NEK5: variants seen among roughly 807,000 people sequenced by gnomAD.
NEK5 encodes serine/threonine-protein kinase Nek5.
A neutral mutation model predicts 109.2 loss-of-function variants in NEK5; 88 were observed. The ratio of observed to expected loss-of-function variants is 0.81; its 90% CI spans 0.68 to 0.96. NEK5 has a LOEUF of 0.96. Among genes scored for constraint, NEK5 ranks in the 40% least tolerant of loss-of-function variants. The pLI is 0.00. For synonymous variants in NEK5, 283 were observed against 299.9 expected (o/e 0.94, Z 0.58); for missense variants, 834 against 920.7 (o/e 0.91, Z 1.22).
rs1292092985 is a variant in NEK5 at position 52,037,193 on chromosome 13, A to G, written c.2254T>C (p.Leu752=). The G allele has an allele frequency of 3.0e-6, 3 of 984,372 alleles. No homozygotes were observed. The highest frequency in any genetic ancestry group is 1.2e-4 in the Admixed American group (2 of 16,248). The allele number at this position is 984,372 out of a possible 1,614,324, so 61.0% of individuals were successfully genotyped here. A position where few individuals can be genotyped will look rare whatever the true frequency, so the allele number is the denominator to read the frequency against. Residue 752 remains leucine (L), a synonymous_variant, in exon 24 of 24, where the codon TTG becomes CTG. Transcript: ENST00000684899. ...DTNFEESEDE[L]RDEVVEYLEK... ...AAGTATTCTACTACTTCATCTCTCA[A>G]CTCATCTTCAGATTCTTCAAAATTT...
chr13:52,123,671 T>G (rs887739029), intron 3 of NEK5, among the ~76,000 whole-genome samples: 2 of 152,012 alleles, frequency 1.3e-5, no homozygotes, highest in African/African-American at 4.8e-5. Flanking sequence ...ACAGAACATA[T>G]TACAGCTAAA....
intron 21 of NEK5, among the ~76,000 whole-genome samples, chr13:52,062,699 G>A (rs144813895): frequency 5.9e-5 from 9 of 152,134 alleles, no homozygotes; most frequent in African/African-American, 1.9e-4. Context: ...GATTACAGGC[G>A]TAAACCACTG....
At chr13:52,128,143 ACT>A (rs1398956534) in intron 1 of NEK5, among the ~76,000 whole-genome samples, 3 of 151,524 alleles carry the variant, frequency 2.0e-5, no homozygotes, top group Non-Finnish European at 4.4e-5. Context: ...CTAGAACCAA[ACT>A]CTATTTTACA....
intron 22 of NEK5, among the ~76,000 whole-genome samples, chr13:52,061,575 A>G (rs992160075): frequency 3.9e-5 from 6 of 152,182 alleles, no homozygotes; most frequent in African/African-American, 1.4e-4. Context: ...AGCCCTACTT[A>G]AACTTTTCAC....
chr13:52,127,360 C>G lies in NEK5; in HGVS notation c.117+6G>C, dbSNP rs750543381. On this transcript the variant is annotated splice_donor_region_variant and intron_variant, in intron 3 of 23. Coordinates refer to ENST00000684899, the MANE Select transcript of NEK5 (RefSeq NM_001365552.1). ...AAAATTAACAGAAATTTGAACTTAA[C>G]TTTACCTTTTCAAAATTGATCTCTT... 1 of 1,278,400 alleles carries G rather than the reference C, an allele frequency of 7.8e-7. No individual in the cohort carries two copies. Among genetic ancestry groups the G allele is most frequent in the South Asian group, 1.2e-5 (1 of 80,340 alleles). 79.2% of individuals were successfully genotyped at this position (1,278,400 alleles called of 1,614,324 possible).
chr13:52,111,762 C>T (rs1251564911), intron 5 of NEK5, among the ~76,000 whole-genome samples: 1 of 152,106 alleles, frequency 6.6e-6, no homozygotes, highest in Non-Finnish European at 1.5e-5. Context: ...TACATTTGTG[C>T]AAAGAGAAAG....
In NEK5 at chr13:52,035,647, A is replaced by G. The variant is rs1000446877; in HGVS notation, c.*1301T>C. The G allele has an allele frequency of 4.6e-5, 7 of 152,230 alleles. No individual in the cohort carries two copies. Among genetic ancestry groups the G allele is most frequent in the African/African-American group, 1.4e-4 (6 of 41,460 alleles). 9.4% of individuals were successfully genotyped at this position (152,230 alleles called of 1,614,324 possible). On this transcript the variant is annotated 3_prime_UTR_variant, in exon 24 of 24. Coordinates refer to ENST00000684899, the MANE Select transcript of NEK5 (RefSeq NM_001365552.1). The stretch of plus-strand genomic sequence containing the variant: ...GTTTTAGCATTTATTAATTCAGGAA[A>G]CATTTCTGGCACTGTGCTAATAACT...
chr13:52,090,747 C>T (rs1307235305), intron 13 of NEK5, among the ~76,000 whole-genome samples: 2 of 152,116 alleles, frequency 1.3e-5, no homozygotes, highest in Non-Finnish European at 2.9e-5. Flanking sequence ...CTTCCTCGGC[C>T]GGGCATGGTG....
At chr13:52,068,474 C>T (rs1437624722) in intron 20 of NEK5, among the ~76,000 whole-genome samples, 1 of 151,368 alleles carries the variant, frequency 6.6e-6, no homozygotes, top group Non-Finnish European at 1.5e-5. Context: ...AATACACACA[C>T]ACACACACAC....
chr13:52,102,006 C>T lies in NEK5; in HGVS notation c.819G>A (p.Gln273=), dbSNP rs753059322. ...IPKYLTPEVI[Q]EEFSHMLICR... ...ATATAAGCATGTGACTGAATTCTTCCTGAATGACCTAAAACCGAACACACG... is the reference window on the plus strand; with the variant it reads ...ATATAAGCATGTGACTGAATTCTTCTTGAATGACCTAAAACCGAACACACG... The change falls in exon 11 of 24, where the codon CAG becomes CAA. Residue 273 remains glutamine (Q), a synonymous_variant. Transcript: ENST00000684899. 4 of 1,614,118 alleles carry T rather than the reference C, an allele frequency of 2.5e-6. No individual in the cohort carries two copies. Among genetic ancestry groups the T allele is most frequent in the Middle Eastern group, 1.6e-4 (1 of 6,062 alleles).
chr13:52,080,313 GA>G (rs1445986884), intron 17 of NEK5, among the ~76,000 whole-genome samples: 123 of 150,684 alleles, frequency 8.2e-4, no homozygotes, highest in African/African-American at 2.8e-3. Context: ...TCCGGGAGGT[GA>G]GGGGCGCCTC....
intron 8 of NEK5, among the ~76,000 whole-genome samples, chr13:52,106,306 T>C (rs781257670): frequency 5.9e-5 from 9 of 152,220 alleles, no homozygotes; most frequent in Non-Finnish European, 1.3e-4. Flanking sequence ...AAGTATCTCT[T>C]GGGCATTTTT....
intron 15 of NEK5, 75 bp downstream of exon 15, chr13:52,087,263 A>G (rs978602368): frequency 1.4e-5 from 10 of 735,480 alleles, no homozygotes; most frequent in Non-Finnish European, 1.9e-5. Flanking sequence ...AAATAGAAGT[A>G]ACTCCCTATT....
At chr13:52,092,004 T>C (rs1275171267) in intron 13 of NEK5, among the ~76,000 whole-genome samples, 1 of 152,164 alleles carries the variant, frequency 6.6e-6, no homozygotes, top group Non-Finnish European at 1.5e-5. Context: ...AGAAATGAAA[T>C]ATACACAACT....
At position 52,099,764 on chromosome 13, in the gene NEK5, A is replaced by C; in HGVS notation, c.1005T>G (p.Ala335=). Residue 335 remains alanine (A), a synonymous_variant, in exon 12 of 24, where the codon GCT becomes GCG. Transcript: ENST00000684899. ...TTACAGATCTGGCCTTCTGGGCTCCAGCTGGTGGTCTCCATTCATTTCTAT... is the reference window on the plus strand; with the variant it reads ...TTACAGATCTGGCCTTCTGGGCTCCCGCTGGTGGTCTCCATTCATTTCTAT... ...ILHRNEWRPP[A]GAQKARSIKM... 1 of 1,613,978 alleles carries C rather than the reference A, an allele frequency of 6.2e-7. No homozygotes were observed. The highest frequency in any genetic ancestry group is 8.5e-7 in the Non-Finnish European group (1 of 1,179,898).
chr13:52,104,203 T>A (rs1021209526), intron 9 of NEK5, among the ~76,000 whole-genome samples: 1 of 152,062 alleles, frequency 6.6e-6, no homozygotes. Context: ...CCTCAAGTGA[T>A]CCACCCGCCT....
At chr13:52,084,709 AAGAGAGAGAGAGAGAGAGAGAGAGTGAG>A (rs1448750216) in intron 16 of NEK5, among the ~76,000 whole-genome samples, 1 of 93,836 alleles carries the variant, frequency 1.1e-5, no homozygotes, top group African/African-American at 3.3e-5. Flanking sequence ...GGCTAATTTA[AAGAGAGAGAGAGAGAGAGAGAGAGTGAG>A]AGAGAGAGAG....
At chr13:52,095,957 A>T (rs144564339) in intron 12 of NEK5, among the ~76,000 whole-genome samples, 2,574 of 152,260 alleles carry the variant, frequency 0.017, 29 homozygotes, top group Non-Finnish European at 0.028. Flanking sequence ...GTTGGGGCAG[A>T]TTCCCCCCTT....
At chr13:52,081,104 G>A (rs1403918153) in intron 17 of NEK5, among the ~76,000 whole-genome samples, 1 of 152,158 alleles carries the variant, frequency 6.6e-6, no homozygotes, top group Non-Finnish European at 1.5e-5. Flanking sequence ...AGCATGCCAT[G>A]CTAAGAGAAA....
Sources: gnomAD v4.1 joint callset for allele counts (sites outside exome capture counted in the v4.1 genomes callset) on GRCh38, gnomAD v4.1.1 for gene constraint, MANE v1.5 for transcripts, NCBI Gene and HGNC (gene_info 2026-07-23, HGNC 2026-07-21) for gene names.